PCDHGB7: variants seen among roughly 807,000 people sequenced by gnomAD.
PCDHGB7 encodes the protein protocadherin gamma-B7.
PCDHGB7 carries 37 observed loss-of-function variants against 61.4 expected under a neutral mutation model. The ratio of observed to expected loss-of-function variants is 0.60; its 90% CI spans 0.46 to 0.79. The LOEUF is 0.79. PCDHGB7 is among the 30% of genes least tolerant of loss of function. The probability of loss-of-function intolerance (pLI) is 0.00; values close to 1 mark genes in which losing one functional copy is unlikely to be tolerated. For synonymous variants in PCDHGB7, 464 were observed against 503.5 expected (o/e 0.92, Z 1.05); for missense variants, 1,166 against 1,202.5 (o/e 0.97, Z 0.45).
intron 1 of PCDHGB7, among the ~76,000 whole-genome samples, chr5:141,474,082 C>CA (rs1449032579): frequency 1.3e-5 from 2 of 152,064 alleles, no homozygotes; most frequent in African/African-American, 4.8e-5. Context: ...AAACAAAAAC[C>CA]AAAAAACAAA....
At chr5:141,488,834 G>A (rs976460724) in intron 1 of PCDHGB7, among the ~76,000 whole-genome samples, 1 of 152,160 alleles carries the variant, frequency 6.6e-6, no homozygotes, top group Admixed American at 6.5e-5. Context: ...GCTGCCAAGG[G>A]GGCTGAATCA....
intron 1 of PCDHGB7, among the ~76,000 whole-genome samples, chr5:141,473,246 A>G (rs1045740920): frequency 7.2e-5 from 11 of 152,224 alleles, no homozygotes; most frequent in Admixed American, 4.6e-4. Context: ...AAGTGAATAC[A>G]TATATAGTCC....
intron 2 of PCDHGB7, among the ~76,000 whole-genome samples, chr5:141,500,844 T>C (rs190011905): frequency 6.6e-6 from 1 of 152,204 alleles, no homozygotes; most frequent in Non-Finnish European, 1.5e-5. Flanking sequence ...AATGGGCTTT[T>C]GCTACATTAG....
intron 1 of PCDHGB7, chr5:141,421,168 A>G: frequency 1.5e-6 from 2 of 1,331,612 alleles, no homozygotes; most frequent in South Asian, 1.5e-5. Context: ...TCATAGATAC[A>G]TAAGCCGATT....
At position 141,476,011 on chromosome 5, in the gene PCDHGB7, A is replaced by C. The variant is rs1415142555; in HGVS notation, c.2416-18796A>C. On this transcript the variant is annotated intron_variant, in intron 1 of 3. Coordinates refer to ENST00000398594, the MANE Select transcript of PCDHGB7 (RefSeq NM_018927.4). This position sits in a 1 kb window ranked among gnomAD's most constrained non-coding sequence, Gnocchi z 7.6. The stretch of plus-strand genomic sequence containing the variant: ...GCAAATCAACGGCATCCAGAAAGCC[A>C]TGTCGGACTCGGCGCCCAGCGCCCA... 2.3e-6 allele frequency: 3 copies of C among 1,311,164 alleles called. No homozygotes were observed. Among genetic ancestry groups the C allele is most frequent in the African/African-American group, 1.5e-5 (1 of 68,020 alleles). 81.2% of individuals were successfully genotyped at this position (1,311,164 alleles called of 1,614,324 possible).
At chr5:141,426,756 G>C in intron 1 of PCDHGB7, 1 of 456,302 alleles carries the variant, frequency 2.2e-6, no homozygotes, top group Non-Finnish European at 4.4e-6. Context: ...ATCTGCTATA[G>C]ATGCAGATGT....
At chr5:141,424,700 T>C (rs1359856009) in intron 1 of PCDHGB7, 3 of 152,228 alleles carry the variant, frequency 2.0e-5, no homozygotes, top group African/African-American at 7.2e-5. Context: ...TATTTTTTTG[T>C]TCATTTTCAG....
At chr5:141,478,926 G>A in intron 1 of PCDHGB7, 1 of 687,216 alleles carries the variant, frequency 1.5e-6, no homozygotes, top group Non-Finnish European at 2.3e-6. Flanking sequence ...CTAACCAGTG[G>A]CAGCTTCTAG....
chr5:141,437,385 C>T (rs543945898), intron 1 of PCDHGB7, among the ~76,000 whole-genome samples: 12 of 152,202 alleles, frequency 7.9e-5, no homozygotes, highest in Non-Finnish European at 1.6e-4. Flanking sequence ...AGAAGACATT[C>T]ATCCACTGCT....
chr5:141,434,474 A>G (rs979175338), intron 1 of PCDHGB7, among the ~76,000 whole-genome samples: 2 of 152,222 alleles, frequency 1.3e-5, no homozygotes, highest in Non-Finnish European at 2.9e-5. Context: ...GAATGAGGGC[A>G]AGGAACACCT....
intron 1 of PCDHGB7, chr5:141,428,419 CTCTGT>C (rs2097138377): frequency 4.4e-6 from 2 of 451,802 alleles, no homozygotes; most frequent in African/African-American, 2.0e-5. Context: ...TCACCCTGGT[CTCTGT>C]TCTAAGACTA....
intron 1 of PCDHGB7, chr5:141,422,184 A>T: frequency 6.4e-7 from 1 of 1,561,838 alleles, no homozygotes; most frequent in Non-Finnish European, 8.6e-7. Context: ...ATGAGATGGA[A>T]ATTCAAGGCC....
At chr5:141,488,951 A>G (rs2099680664) in intron 1 of PCDHGB7, among the ~76,000 whole-genome samples, 1 of 152,118 alleles carries the variant, frequency 6.6e-6, no homozygotes, top group Admixed American at 6.5e-5. Flanking sequence ...ATTGGTTGAG[A>G]GCACACAGAC....
chr5:141,418,694 TATTCC>T lies in PCDHGB7; in HGVS notation c.836_840del (p.Tyr279PhefsTer6). ...CGAGGGCATCAACTCAGAGATCACTTATTCCTTCTTTGGTGTGGCTGACAAAGCTC... is the reference window on the plus strand; with the variant it reads ...CGAGGGCATCAACTCAGAGATCACTTTTCTTTGGTGTGGCTGACAAAGCTC... On this transcript the variant is annotated frameshift_variant, in exon 1 of 4. Coordinates refer to ENST00000398594, the MANE Select transcript of PCDHGB7 (RefSeq NM_018927.4). LOFTEE classifies it high-confidence loss of function. The T allele has an allele frequency of 1.2e-6, 2 of 1,614,044 alleles. No homozygotes were observed. The highest frequency in any genetic ancestry group is 1.7e-6 in the Non-Finnish European group (2 of 1,179,892).
chr5:141,431,699 T>C lies in PCDHGB7; in HGVS notation c.2415+11425T>C. ...GGAGTTGGACCACGAGGAGTCAGGA[T>C]TCTACCAGATGGAAGTGCAAGCAAT... is the stretch of plus-strand genomic sequence containing the variant. On this transcript the variant is annotated intron_variant, in intron 1 of 3. Coordinates refer to ENST00000398594, the MANE Select transcript of PCDHGB7 (RefSeq NM_018927.4). The surrounding 1 kb of genome is among the most constrained non-coding windows in gnomAD (Gnocchi z 4.8). 6.2e-7 allele frequency: 1 copy of C among 1,614,222 alleles called. No individual in the cohort carries two copies. Among genetic ancestry groups the C allele is most frequent in the South Asian group, 1.1e-5 (1 of 91,074 alleles).
intron 2 of PCDHGB7, among the ~76,000 whole-genome samples, chr5:141,500,666 G>A (rs567881941): frequency 3.6e-4 from 55 of 152,250 alleles, no homozygotes; most frequent in African/African-American, 1.3e-3. Context: ...AGGCCATACT[G>A]TCCAACAGAA....
chr5:141,486,030 C>A lies in PCDHGB7; in HGVS notation c.2416-8777C>A. The A allele has an allele frequency of 6.2e-7, 1 of 1,614,164 alleles. No homozygotes were observed. The highest frequency in any genetic ancestry group is 8.5e-7 in the Non-Finnish European group (1 of 1,180,012). ...ACCTTTTATTTCAGTGGTCATACCC[C>A]TGATCGTGTAAGAAACCTCTTTAGC... On this transcript the variant is annotated intron_variant, in intron 1 of 3. Coordinates refer to ENST00000398594, the MANE Select transcript of PCDHGB7 (RefSeq NM_018927.4). The surrounding 1 kb of genome is among the most constrained non-coding windows in gnomAD (Gnocchi z 5.0).
chr5:141,487,041 G>C lies in PCDHGB7; in HGVS notation c.2416-7766G>C, dbSNP rs149314216. On this transcript the variant is annotated intron_variant, in intron 1 of 3. Coordinates refer to ENST00000398594, the MANE Select transcript of PCDHGB7 (RefSeq NM_018927.4). The surrounding 1 kb of genome is among the most constrained non-coding windows in gnomAD (Gnocchi z 5.0). ...GATCCCAGCCTGTTTGCAGTCTCTC[G>C]ATATGCTGGGGAGGTGCGGACGGCT... 2.5e-6 allele frequency: 4 copies of C among 1,614,018 alleles called. No homozygotes were observed. Among genetic ancestry groups the C allele is most frequent in the South Asian group, 2.2e-5 (2 of 91,084 alleles).
chr5:141,465,348 A>G (rs886810999), intron 1 of PCDHGB7, among the ~76,000 whole-genome samples: 2 of 152,158 alleles, frequency 1.3e-5, no homozygotes, highest in African/African-American at 4.8e-5. Flanking sequence ...GTTACTGAAG[A>G]AAAAATGGGT....
Sources: allele counts gnomAD v4.1 joint callset (sites outside exome capture counted in the v4.1 genomes callset), GRCh38; gene constraint gnomAD v4.1.1; non-coding constraint Gnocchi (gnomAD v3.1); transcripts MANE v1.5; gene names NCBI Gene and HGNC (gene_info 2026-07-23, HGNC 2026-07-21).